MTA3: variants seen among roughly 807,000 people sequenced by gnomAD.
The protein encoded by MTA3 is metastasis associated 1 family member 3, also known as metastasis-associated protein MTA3.
A neutral mutation model predicts 83.5 loss-of-function variants in MTA3; 34 were observed. The observed-to-expected ratio is 0.41, with a 90% CI of 0.31 to 0.54. The LOEUF (loss-of-function observed/expected upper bound fraction) is 0.54, where lower values mean the gene tolerates loss of function less well. Ranked by LOEUF, MTA3 falls within the 20% of genes least tolerant of loss-of-function variation. The probability of loss-of-function intolerance (pLI) is 0.33; values close to 1 mark genes in which losing one functional copy is unlikely to be tolerated. For missense variants in MTA3, 761 were observed against 726.4 expected (o/e 1.05, Z -0.55); for synonymous variants, 303 against 252.7 (o/e 1.20, Z -1.89).
chr2:42,646,938 C>A (rs144000633), intron 6 of MTA3, among the ~76,000 whole-genome samples: 1 of 151,850 alleles, frequency 6.6e-6, no homozygotes. Flanking sequence ...AGGCGGATCA[C>A]GAGGTCAGGC....
intron 4 of MTA3, among the ~76,000 whole-genome samples, chr2:42,635,869 A>C (rs1035306518): frequency 2.0e-5 from 3 of 151,908 alleles, no homozygotes; most frequent in African/African-American, 7.3e-5. Flanking sequence ...AGGTTCAAGC[A>C]GTTCTTGTGC....
At chr2:42,644,651 T>G (rs1162196845) in intron 6 of MTA3, among the ~76,000 whole-genome samples, 1 of 152,196 alleles carries the variant, frequency 6.6e-6, no homozygotes, top group Non-Finnish European at 1.5e-5. Context: ...TTTGGTGCCA[T>G]TTTTCCAACA....
intron 16 of MTA3, among the ~76,000 whole-genome samples, chr2:42,736,700 C>T (rs1447335726): frequency 1.3e-5 from 2 of 152,110 alleles, no homozygotes; most frequent in African/African-American, 2.4e-5. Flanking sequence ...AGAGTCTCTC[C>T]TCATAGCCAC....
intron 16 of MTA3, among the ~76,000 whole-genome samples, chr2:42,728,599 C>G (rs539019836): frequency 2.6e-5 from 4 of 152,296 alleles, no homozygotes; most frequent in Admixed American, 6.5e-5. Context: ...TCCCTTTTCT[C>G]CATATCTTTG....
chr2:42,705,950 T>C (rs191565922), intron 12 of MTA3, among the ~76,000 whole-genome samples: 2 of 152,328 alleles, frequency 1.3e-5, no homozygotes, highest in East Asian at 3.9e-4. Context: ...TACTTTCCAA[T>C]TGAATTTGAG....
intron 8 of MTA3, among the ~76,000 whole-genome samples, chr2:42,680,966 G>A (rs185964984): frequency 5.8e-4 from 89 of 152,204 alleles, no homozygotes; most frequent in African/African-American, 2.0e-3. Flanking sequence ...TGGTCTCGAA[G>A]TCCTGGGCAC....
At position 42,740,798 on chromosome 2, in the gene MTA3, G is replaced by A. The variant is rs572490164; in HGVS notation, c.1760-12576G>A. On this transcript the variant is annotated intron_variant, in intron 16 of 16. Coordinates refer to ENST00000405094, the MANE Select transcript of MTA3 (RefSeq NM_001330442.2). ...TTGTTCTATTTATAAAGCATAGGCAGAATAGATTAAGCATAATTCTTAAGG... is the reference window on the plus strand; with the variant it reads ...TTGTTCTATTTATAAAGCATAGGCAAAATAGATTAAGCATAATTCTTAAGG... Among the ~76,000 whole-genome samples, 4 of 152,368 alleles carry A rather than the reference G, an allele frequency of 2.6e-5. No homozygotes were observed. In the South Asian group the frequency reaches 8.3e-4, roughly 32 times the overall value.
At chr2:42,519,017 ACACACACACACACG>A (rs1213310474) in intron 2 of MTA3, among the ~76,000 whole-genome samples, 19 of 135,254 alleles carry the variant, frequency 1.4e-4, no homozygotes, top group East Asian at 6.2e-4. Flanking sequence ...ACACACACAC[ACACACACACACACG>A]AATATAGTAT....
chr2:42,544,275 G>A (rs1240676234), intron 2 of MTA3, among the ~76,000 whole-genome samples: 1 of 151,706 alleles, frequency 6.6e-6, no homozygotes, highest in Admixed American at 6.6e-5. Flanking sequence ...GTGAAACCTC[G>A]TCTCTACTAA....
chr2:42,573,642 C>G (rs947768643), intron 2 of MTA3, among the ~76,000 whole-genome samples: 2 of 152,138 alleles, frequency 1.3e-5, no homozygotes, highest in African/African-American at 4.8e-5. Context: ...TCCCGAATAG[C>G]TGGGATTACA....
At position 42,563,013 on chromosome 2, in the gene MTA3, C is replaced by T. The variant is rs888978909; in HGVS notation, c.-140-7424C>T. 2.6e-5 allele frequency among the ~76,000 whole-genome samples: 4 copies of T among 152,204 alleles called. No homozygotes were observed. In the East Asian group the frequency reaches 5.8e-4, roughly 22 times the overall value. On this transcript the variant is annotated intron_variant, in intron 2 of 17. Transcript: ENST00000405592. ...TTCACCTCGTGCCTCCCTAGAGTCA[C>T]CAGATCGGATCTTGCCTCCTACATC... is the stretch of plus-strand genomic sequence containing the variant.
chr2:42,646,174 T>A (rs1048551050), intron 6 of MTA3, among the ~76,000 whole-genome samples: 3 of 152,330 alleles, frequency 2.0e-5, no homozygotes, highest in East Asian at 3.9e-4. Flanking sequence ...ACCTACTGCT[T>A]AGGAAAAAGG....
At chr2:42,646,336 G>C (rs1337373629) in intron 6 of MTA3, among the ~76,000 whole-genome samples, 1 of 152,132 alleles carries the variant, frequency 6.6e-6, no homozygotes, top group East Asian at 1.9e-4. Flanking sequence ...GAGAAATTTT[G>C]ACTTTCACAT....
chr2:42,627,213 G>A (rs889508159), intron 4 of MTA3, among the ~76,000 whole-genome samples: 25 of 152,182 alleles, frequency 1.6e-4, no homozygotes, highest in African/African-American at 6.0e-4. Context: ...GAGTAGCTGG[G>A]ACTGCAGGTG....
Position 42,645,066 on chromosome 2 carries a change from C to T in MTA3, c.499+822C>T, listed in dbSNP as rs148961687. On this transcript the variant is annotated intron_variant, in intron 6 of 16. Coordinates refer to ENST00000405094, the MANE Select transcript of MTA3 (RefSeq NM_001330442.2). ...AGAAGCCAAGATAGGCTAAAAGCCA[C>T]GCCTCTTTCCCCAGTTAGCCAAGTT... is the stretch of plus-strand genomic sequence containing the variant. 1.4e-4 allele frequency among the ~76,000 whole-genome samples: 22 copies of T among 151,924 alleles called. No individual in the cohort carries two copies. The East Asian group carries it at 3.7e-3, about 25-fold the overall frequency.
At chr2:42,539,379 T>C (rs1676419478) in intron 2 of MTA3, among the ~76,000 whole-genome samples, 3 of 152,006 alleles carry the variant, frequency 2.0e-5, no homozygotes, top group Admixed American at 6.6e-5. Context: ...GAATGAGAGC[T>C]GAGCAAAGGG....
intron 2 of MTA3, among the ~76,000 whole-genome samples, chr2:42,531,535 C>T (rs1675968484): frequency 6.7e-6 from 1 of 150,036 alleles, no homozygotes; most frequent in African/African-American, 2.5e-5. Flanking sequence ...TCACCGCAAC[C>T]TCTGCCTCCC....
chr2:42,644,210 A>G lies in MTA3; in HGVS notation c.465A>G (p.Arg155=). ...ADKGEIRVGP[R]YQADIPEMLL... ...AAGGTGAAATCAGAGTGGGACCTAG[A>G]TATCAAGCAGACATTCCAGAAATGC... Residue 155 remains arginine (R), a synonymous_variant, in exon 6 of 17, where the codon AGA becomes AGG. Coordinates refer to ENST00000405094, the MANE Select transcript of MTA3 (RefSeq NM_001330442.2). 6.2e-7 allele frequency: 1 copy of G among 1,613,122 alleles called. No homozygotes were observed. The highest frequency in any genetic ancestry group is 1.7e-4 in the Middle Eastern group (1 of 6,054).
At chr2:42,499,689 T>C (rs1291668054) in intron 2 of MTA3, among the ~76,000 whole-genome samples, 1 of 150,156 alleles carries the variant, frequency 6.7e-6, no homozygotes, top group African/African-American at 2.4e-5. Flanking sequence ...TTGGGGAGGC[T>C]GAGCAGGAGA....
Sources: gnomAD v4.1 joint callset for allele counts (sites outside exome capture counted in the v4.1 genomes callset) on GRCh38, gnomAD v4.1.1 for gene constraint, MANE v1.5 for transcripts, NCBI Gene and HGNC (gene_info 2026-07-23, HGNC 2026-07-21) for gene names.